The following KPNA6 variants were observed in gnomAD, a reference collection of about 807,000 sequenced individuals.
The protein encoded by KPNA6 is karyopherin subunit alpha 6.
Under a neutral mutation model 72.0 loss-of-function variants are expected in KPNA6, and 9 were observed. The ratio of observed to expected loss-of-function variants is 0.13; its 90% CI spans 0.08 to 0.22. The LOEUF (loss-of-function observed/expected upper bound fraction) is 0.22, where lower values mean the gene tolerates loss of function less well. KPNA6 is among the 10% of genes least tolerant of loss of function. The pLI is 1.00. For missense variants in KPNA6, 374 were observed against 655.7 expected (o/e 0.57, Z 4.69); for synonymous variants, 219 against 242.1 (o/e 0.90, Z 0.89).
At position 32,172,816 on chromosome 1, in the gene KPNA6, C is replaced by G. The variant is rs1324413815; in HGVS notation, c.*1922C>G. The G allele has an allele frequency of 9.4e-6, 3 of 319,766 alleles. No individual in the cohort carries two copies. The highest frequency in any genetic ancestry group is 6.4e-5 in the African/African-American group (3 of 46,720). 19.8% of individuals were successfully genotyped at this position (319,766 alleles called of 1,614,324 possible). ...GCTCCAAGCTCTGCTTTTCCTTCCTCTGAAACAATGCCATTCTTGCTTCTA... is the reference window on the plus strand; with the variant it reads ...GCTCCAAGCTCTGCTTTTCCTTCCTGTGAAACAATGCCATTCTTGCTTCTA... On this transcript the variant is annotated 3_prime_UTR_variant, in exon 14 of 14. Transcript: ENST00000373625.
At chr1:32,160,058 G>A (rs966889283) in intron 6 of KPNA6, among the ~76,000 whole-genome samples, 9 of 152,160 alleles carry the variant, frequency 5.9e-5, no homozygotes, top group African/African-American at 1.9e-4. Flanking sequence ...CAGCACTTTG[G>A]GAGGCCGAGG....
In KPNA6 at chr1:32,132,881, C is replaced by G. The variant is rs577652703; in HGVS notation, c.5-21707C>G. ...TGGCGCCACTGCACTCCAGCCTGGG[C>G]GACAGAGCGAGACTCCGTCTCAAAG... On this transcript the variant is annotated intron_variant, in intron 1 of 13. Transcript: ENST00000373625. Among the ~76,000 whole-genome samples the G allele has an allele frequency of 2.6e-5, 4 of 151,554 alleles. No homozygotes were observed. In the East Asian group the frequency reaches 8.0e-4, roughly 30 times the overall value.
chr1:32,130,800 TC>T, intron 1 of KPNA6, among the ~76,000 whole-genome samples: 1 of 151,898 alleles, frequency 6.6e-6, no homozygotes, highest in East Asian at 1.9e-4. Flanking sequence ...TCAAAGAAGT[TC>T]ATTAAGAAAG....
chr1:32,143,439 G>T (rs1327579746), intron 1 of KPNA6, among the ~76,000 whole-genome samples: 1 of 151,760 alleles, frequency 6.6e-6, no homozygotes, highest in Non-Finnish European at 1.5e-5. Context: ...ACAAAAATTA[G>T]CCGGGCATGG....
intron 6 of KPNA6, among the ~76,000 whole-genome samples, chr1:32,159,829 C>T (rs945600989): frequency 2.0e-5 from 3 of 152,164 alleles, no homozygotes; most frequent in Non-Finnish European, 4.4e-5. Context: ...AAACTCTATA[C>T]ATTTGTTGTT....
intron 2 of KPNA6, among the ~76,000 whole-genome samples, chr1:32,155,867 A>C (rs1400593855): frequency 6.7e-6 from 1 of 149,496 alleles, no homozygotes; most frequent in Non-Finnish European, 1.5e-5. Flanking sequence ...AGCCTCCTGC[A>C]TAGCTGGACT....
intron 1 of KPNA6, among the ~76,000 whole-genome samples, chr1:32,145,739 T>C (rs1157966435): frequency 6.6e-6 from 1 of 151,094 alleles, no homozygotes; most frequent in African/African-American, 2.5e-5. Flanking sequence ...TGGCCGTAGA[T>C]GTAAGGGTTT....
chr1:32,159,080 A>G (rs148571182), intron 5 of KPNA6, among the ~76,000 whole-genome samples: 34 of 152,324 alleles, frequency 2.2e-4, no homozygotes, highest in African/African-American at 4.1e-4. Context: ...AAGCTCAGGA[A>G]ATAAAAGAGT....
At chr1:32,143,573 AAAAAAAAAAAAAAG>A (rs965359461) in intron 1 of KPNA6, among the ~76,000 whole-genome samples, 2 of 129,256 alleles carry the variant, frequency 1.5e-5, no homozygotes, top group African/African-American at 6.3e-5. Context: ...ATTCTGTCTT[AAAAAAAAAAAAAAG>A]AAAAGAAAAA....
At position 32,170,690 on chromosome 1, in the gene KPNA6, CCTT is replaced by C; in HGVS notation, c.1424-13_1424-11del. Reference sequence around the variant, plus strand: ...AAAGCACTCACACTTCCCTCTCCTTCCTTCTTACTACTGTAGGCTTGGATAAAA... The same window carrying C: ...AAAGCACTCACACTTCCCTCTCCTTCCTTACTACTGTAGGCTTGGATAAAA... On this transcript the variant is annotated splice_polypyrimidine_tract_variant and intron_variant, in intron 13 of 13. Coordinates refer to ENST00000373625, the MANE Select transcript of KPNA6 (RefSeq NM_012316.5). 1 of 1,606,412 alleles carries C rather than the reference CCTT, an allele frequency of 6.2e-7. No individual in the cohort carries two copies. Among genetic ancestry groups the C allele is most frequent in the Non-Finnish European group, 8.5e-7 (1 of 1,173,726 alleles).
rs1317272770 is a variant in KPNA6, at chr1:32,131,993, C to T, written c.5-22595C>T. Among the ~76,000 whole-genome samples the T allele has an allele frequency of 4.6e-5, 7 of 151,042 alleles. No homozygotes were observed. In the South Asian group the frequency reaches 8.3e-4, roughly 18 times the overall value. ...TATTTATTTTTTATTTTTTTTGAGACGGAGTCTTGCTCTGTTGCCCAGGCT... is the reference window on the plus strand; with the variant it reads ...TATTTATTTTTTATTTTTTTTGAGATGGAGTCTTGCTCTGTTGCCCAGGCT... On this transcript the variant is annotated intron_variant, in intron 1 of 13. Coordinates refer to ENST00000373625, the MANE Select transcript of KPNA6 (RefSeq NM_012316.5).
chr1:32,111,918 T>C (rs899644265), intron 1 of KPNA6, among the ~76,000 whole-genome samples: 2 of 152,050 alleles, frequency 1.3e-5, no homozygotes, highest in Non-Finnish European at 2.9e-5. Context: ...ACCTCATGAG[T>C]CTTGGCAGAC....
At chr1:32,154,538 G>A (rs776526127) in intron 1 of KPNA6, 50 bp from the exon 2 acceptor site, 1 of 1,594,448 alleles carries the variant, frequency 6.3e-7, no homozygotes, top group Admixed American at 1.7e-5. Flanking sequence ...TAGTGAAAAG[G>A]AAATGCTGTC....
intron 1 of KPNA6, among the ~76,000 whole-genome samples, chr1:32,140,250 G>A (rs1054652538): frequency 6.6e-5 from 10 of 152,104 alleles, no homozygotes; most frequent in African/African-American, 2.4e-4. Flanking sequence ...TGGGCATGGT[G>A]GTGTGAACCT....
At chr1:32,144,145 T>C (rs1465175162) in intron 1 of KPNA6, among the ~76,000 whole-genome samples, 1 of 152,178 alleles carries the variant, frequency 6.6e-6, no homozygotes, top group Non-Finnish European at 1.5e-5. Context: ...CACATAACAA[T>C]ATGCCAGCAT....
intron 1 of KPNA6, among the ~76,000 whole-genome samples, chr1:32,112,387 C>G (rs1641256523): frequency 6.6e-6 from 1 of 152,126 alleles, no homozygotes; most frequent in African/African-American, 2.4e-5. Context: ...TAAAGCAAGT[C>G]ACATGAATTT....
intron 1 of KPNA6, among the ~76,000 whole-genome samples, chr1:32,116,097 G>T (rs1305480929): frequency 6.6e-6 from 1 of 152,048 alleles, no homozygotes. Flanking sequence ...TTAGGCTTTG[G>T]TTTAAGGCAG....
At chr1:32,124,283 G>A (rs1233256846) in intron 1 of KPNA6, among the ~76,000 whole-genome samples, 3 of 151,830 alleles carry the variant, frequency 2.0e-5, no homozygotes, top group Non-Finnish European at 2.9e-5. Context: ...TGAAGTGGGA[G>A]GATAGATTGA....
Position 32,170,902 on chromosome 1 carries a change from C to T in KPNA6, c.*8C>T. The T allele has an allele frequency of 6.2e-7, 1 of 1,613,430 alleles. No homozygotes were observed. Among genetic ancestry groups the T allele is most frequent in the Non-Finnish European group, 8.5e-7 (1 of 1,179,448 alleles). On this transcript the variant is annotated 3_prime_UTR_variant, in exon 14 of 14. Coordinates refer to ENST00000373625, the MANE Select transcript of KPNA6 (RefSeq NM_012316.5). Reference sequence around the variant, plus strand: ...GAGGGCTTCCAGCTATAATATCTGCCTCCAGGGAGGGGAGGGGATGGGAAG... The same window carrying T: ...GAGGGCTTCCAGCTATAATATCTGCTTCCAGGGAGGGGAGGGGATGGGAAG...
Sources: allele counts gnomAD v4.1 joint callset (sites outside exome capture counted in the v4.1 genomes callset), GRCh38; gene constraint gnomAD v4.1.1; transcripts MANE v1.5; gene names NCBI Gene and HGNC (gene_info 2026-07-23, HGNC 2026-07-21).